Variants in RBFOX1 observed in about 807,000 individuals in gnomAD.
The protein encoded by RBFOX1 is RNA binding protein fox-1 homolog 1.
RBFOX1 carries 8 observed loss-of-function variants against 57.7 expected under a neutral mutation model. The ratio of observed to expected loss-of-function variants is 0.14; its 90% CI spans 0.08 to 0.25. The LOEUF is 0.25. Among genes scored for constraint, RBFOX1 ranks in the 10% least tolerant of loss-of-function variants. The pLI is 1.00. For missense variants in RBFOX1, 611 were observed against 548.5 expected (o/e 1.11, Z -1.14); for synonymous variants, 326 against 222.4 (o/e 1.47, Z -4.15).
chr16:6,451,992 TTCCATCCATGGCTCCTTCCTTCCATGAC>T (rs2094637826), intron 2 of RBFOX1, among the ~76,000 whole-genome samples: 1 of 129,720 alleles, frequency 7.7e-6, no homozygotes, highest in East Asian at 2.5e-4. Flanking sequence ...CTATCCATGG[TTCCATCCATGGCTCCTTCCTTCCATGAC>T]TCCATCCATG....
intron 4 of RBFOX1, among the ~76,000 whole-genome samples, chr16:7,217,706 T>G (rs1200357174): frequency 6.6e-6 from 1 of 152,222 alleles, no homozygotes; most frequent in Non-Finnish European, 1.5e-5. Flanking sequence ...AGAGTCACCA[T>G]TCAATTTCTT....
chr16:5,763,657 A>C (rs1381849528), intron 3 of RBFOX1, among the ~76,000 whole-genome samples: 1 of 152,240 alleles, frequency 6.6e-6, no homozygotes, highest in Non-Finnish European at 1.5e-5. Context: ...ACTCACTCCG[A>C]GGGAATATTT....
At chr16:6,795,902 G>C (rs1176653712) in intron 3 of RBFOX1, among the ~76,000 whole-genome samples, 1 of 151,710 alleles carries the variant, frequency 6.6e-6, no homozygotes, top group Non-Finnish European at 1.5e-5. Context: ...ATGTTCTTAT[G>C]TTTTTATTGT....
At chr16:6,262,298 C>G (rs2097706265) in intron 1 of RBFOX1, among the ~76,000 whole-genome samples, 1 of 152,162 alleles carries the variant, frequency 6.6e-6, no homozygotes, top group Non-Finnish European at 1.5e-5. Flanking sequence ...GCTGCATGTA[C>G]CAATTTCACT....
chr16:6,985,056 C>A (rs904082928), intron 3 of RBFOX1, among the ~76,000 whole-genome samples: 3 of 151,882 alleles, frequency 2.0e-5, no homozygotes, highest in Admixed American at 2.0e-4. Flanking sequence ...TGAGTTAGTT[C>A]CTCTGGATTT....
At chr16:5,310,923 G>A (rs929402475) in intron 1 of RBFOX1, among the ~76,000 whole-genome samples, 1 of 152,146 alleles carries the variant, frequency 6.6e-6, no homozygotes, top group Non-Finnish European at 1.5e-5. Context: ...TGAAGTCTGA[G>A]ATTTTAGTGC....
At chr16:5,282,221 C>G (rs2063289829) in intron 1 of RBFOX1, among the ~76,000 whole-genome samples, 1 of 152,198 alleles carries the variant, frequency 6.6e-6, no homozygotes, top group Non-Finnish European at 1.5e-5. Flanking sequence ...TCCTTGACTT[C>G]CGCAATGATT....
intron 3 of RBFOX1, among the ~76,000 whole-genome samples, chr16:6,829,280 T>A (rs554851103): frequency 6.6e-6 from 1 of 151,254 alleles, no homozygotes; most frequent in South Asian, 2.1e-4. Flanking sequence ...AGGAGAAATC[T>A]GAGAAGTTCT....
At chr16:5,663,818 G>T (rs1222068892) in intron 3 of RBFOX1, among the ~76,000 whole-genome samples, 1 of 152,230 alleles carries the variant, frequency 6.6e-6, no homozygotes, top group Non-Finnish European at 1.5e-5. Flanking sequence ...ACACGTCAAA[G>T]ACATTCAAAA....
At chr16:6,993,076 A>G (rs1358392878) in intron 3 of RBFOX1, among the ~76,000 whole-genome samples, 2 of 152,080 alleles carry the variant, frequency 1.3e-5, no homozygotes, top group African/African-American at 4.8e-5. Flanking sequence ...TCATTCCCTA[A>G]TTTCTTTTGT....
At chr16:6,273,429 C>G (rs924112732) in intron 1 of RBFOX1, among the ~76,000 whole-genome samples, 1 of 138,996 alleles carries the variant, frequency 7.2e-6, no homozygotes, top group Non-Finnish European at 1.5e-5. Flanking sequence ...ACTGCAACCT[C>G]TGCCTCCTAG....
chr16:7,052,855 G>T (rs1190743047), intron 4 of RBFOX1, among the ~76,000 whole-genome samples: 1 of 152,172 alleles, frequency 6.6e-6, no homozygotes, highest in African/African-American at 2.4e-5. Flanking sequence ...ATGAGATTTA[G>T]ATTATGATTG....
chr16:5,291,043 A>T (rs1267844979), intron 1 of RBFOX1, among the ~76,000 whole-genome samples: 3 of 152,154 alleles, frequency 2.0e-5, no homozygotes. Context: ...TGAAGCCTGC[A>T]GGGCAAGCGA....
intron 4 of RBFOX1, among the ~76,000 whole-genome samples, chr16:7,485,261 C>T (rs78055133): frequency 8.5e-5 from 13 of 152,282 alleles, no homozygotes; most frequent in East Asian, 5.8e-4. Context: ...GCTGCACCCT[C>T]GCGTGTTGCT....
chr16:6,486,894 C>A (rs1285432302), intron 2 of RBFOX1, among the ~76,000 whole-genome samples: 1 of 152,052 alleles, frequency 6.6e-6, no homozygotes, highest in Non-Finnish European at 1.5e-5. Context: ...TTAATTAAAT[C>A]ATAGATAATC....
intron 1 of RBFOX1, among the ~76,000 whole-genome samples, chr16:5,362,564 G>A (rs548082765): frequency 6.6e-6 from 1 of 152,124 alleles, no homozygotes; most frequent in African/African-American, 2.4e-5. Flanking sequence ...GTTTCTCCAT[G>A]TTGGTCAGGC....
intron 2 of RBFOX1, among the ~76,000 whole-genome samples, chr16:6,406,679 TG>T (rs1567206700): frequency 6.6e-6 from 1 of 152,082 alleles, no homozygotes; most frequent in East Asian, 1.9e-4. Flanking sequence ...GGTCAATTTT[TG>T]GATAAGTCTG....
chr16:7,003,543 C>G (rs927434539), intron 3 of RBFOX1, among the ~76,000 whole-genome samples: 3 of 151,788 alleles, frequency 2.0e-5, no homozygotes, highest in South Asian at 2.1e-4. Context: ...CATATTTACA[C>G]CCTTTAAAAA....
chr16:7,558,390 ACT>A (rs936054464), intron 5 of RBFOX1, among the ~76,000 whole-genome samples: 2 of 151,944 alleles, frequency 1.3e-5, no homozygotes, highest in Admixed American at 6.6e-5. Context: ...ACGCGCACAC[ACT>A]CACACACATA....
Sources: allele counts gnomAD v4.1 joint callset (sites outside exome capture counted in the v4.1 genomes callset), GRCh38; gene constraint gnomAD v4.1.1; transcripts MANE v1.5; gene names NCBI Gene and HGNC (gene_info 2026-07-23, HGNC 2026-07-21).